The following SEMA3E variants were observed in gnomAD, a reference collection of about 807,000 sequenced individuals.
SEMA3E encodes the protein semaphorin 3E.
In SEMA3E, 49 loss-of-function variants were observed where a neutral mutation model predicts 93.6. The ratio of observed to expected loss-of-function variants is 0.52; its 90% CI spans 0.42 to 0.66. The LOEUF (loss-of-function observed/expected upper bound fraction) is 0.66, where lower values mean the gene tolerates loss of function less well. Among genes scored for constraint, SEMA3E ranks in the 30% least tolerant of loss-of-function variants. The pLI is 0.00. For missense variants in SEMA3E, 906 were observed against 964.8 expected (o/e 0.94, Z 0.81); for synonymous variants, 363 against 330.7 (o/e 1.10, Z -1.06).
chr7:83,638,887 G>A (rs1054953035), intron 1 of SEMA3E, among the ~76,000 whole-genome samples: 18 of 151,620 alleles, frequency 1.2e-4, no homozygotes, highest in Admixed American at 6.6e-5. Context: ...CGAGGCGGGC[G>A]GATCACGAGG....
intron 2 of SEMA3E, among the ~76,000 whole-genome samples, chr7:83,477,794 A>G (rs1790047669): frequency 1.3e-5 from 2 of 152,152 alleles, no homozygotes; most frequent in African/African-American, 4.8e-5. Flanking sequence ...AAATTCTAAA[A>G]TACAAGAACT....
chr7:83,597,477 G>A (rs1004873154), intron 1 of SEMA3E, among the ~76,000 whole-genome samples: 5 of 152,000 alleles, frequency 3.3e-5, no homozygotes, highest in Non-Finnish European at 5.9e-5. Context: ...ATTAGCACTC[G>A]GTTCTTTATA....
chr7:83,504,061 C>G lies in SEMA3E; in HGVS notation c.116-13787G>C, dbSNP rs145340467. On this transcript the variant is annotated intron_variant, in intron 1 of 16. Transcript: ENST00000643230. ...TCCTATAAAATATTCTAAAAACACA[C>G]GGTTTCCAGATACACCAGGAGTTTG... Among the ~76,000 whole-genome samples, 883 of 152,264 alleles carry G rather than the reference C, an allele frequency of 5.8e-3. 10 individuals are homozygous for G. Among genetic ancestry groups the G allele is most frequent in the African/African-American group, 0.02 (829 of 41,546 alleles).
At chr7:83,626,601 T>C (rs564014802) in intron 1 of SEMA3E, among the ~76,000 whole-genome samples, 17 of 152,306 alleles carry the variant, frequency 1.1e-4, no homozygotes, top group African/African-American at 4.1e-4. Flanking sequence ...CTCTCTTTTC[T>C]TCTTTATTAG....
intron 1 of SEMA3E, among the ~76,000 whole-genome samples, chr7:83,573,094 T>A (rs1004912824): frequency 6.6e-6 from 1 of 151,990 alleles, no homozygotes; most frequent in Non-Finnish European, 1.5e-5. Context: ...AGAGTAAACA[T>A]ACAGCCTACA....
chr7:83,572,429 A>G (rs553244855), intron 1 of SEMA3E, among the ~76,000 whole-genome samples: 1 of 152,256 alleles, frequency 6.6e-6, no homozygotes, highest in East Asian at 1.9e-4. Flanking sequence ...TCAGGAGGTC[A>G]AGAGATCGAG....
At chr7:83,617,369 T>C (rs1185128929) in intron 1 of SEMA3E, among the ~76,000 whole-genome samples, 1 of 148,930 alleles carries the variant, frequency 6.7e-6, no homozygotes, top group Non-Finnish European at 1.5e-5. Flanking sequence ...TGTCACAGAG[T>C]ATGAAAGGTT....
At chr7:83,450,798 A>G (rs1789344335) in intron 4 of SEMA3E, among the ~76,000 whole-genome samples, 1 of 152,220 alleles carries the variant, frequency 6.6e-6, no homozygotes, top group African/African-American at 2.4e-5. Context: ...TGTTATGCTT[A>G]ATTTATGTTT....
intron 4 of SEMA3E, among the ~76,000 whole-genome samples, chr7:83,431,412 TA>T (rs1459541118): frequency 6.6e-6 from 1 of 151,910 alleles, no homozygotes; most frequent in Non-Finnish European, 1.5e-5. Flanking sequence ...ACGGGTAAGT[TA>T]AAAAAATAAT....
At chr7:83,535,175 T>C (rs1187617971) in intron 1 of SEMA3E, among the ~76,000 whole-genome samples, 1 of 152,204 alleles carries the variant, frequency 6.6e-6, no homozygotes, top group Non-Finnish European at 1.5e-5. Flanking sequence ...TATTTTTAGA[T>C]AAAGACTCTT....
chr7:83,557,859 C>G (rs1392809213), intron 1 of SEMA3E, among the ~76,000 whole-genome samples: 1 of 152,070 alleles, frequency 6.6e-6, no homozygotes, highest in African/African-American at 2.4e-5. Flanking sequence ...CAGTTTTATT[C>G]CTAGGTATAG....
intron 4 of SEMA3E, among the ~76,000 whole-genome samples, chr7:83,461,888 G>T (rs371181755): frequency 8.1e-4 from 124 of 152,270 alleles, no homozygotes; most frequent in African/African-American, 2.7e-3. Context: ...CGCCTGAACC[G>T]CAGCAGCCAG....
At chr7:83,385,243 T>C in intron 16 of SEMA3E, 51 bp downstream of exon 16, 1 of 1,597,852 alleles carries the variant, frequency 6.3e-7, no homozygotes, top group Non-Finnish European at 8.6e-7. Context: ...TATTTACTGA[T>C]CACACACTAT....
intron 1 of SEMA3E, among the ~76,000 whole-genome samples, chr7:83,635,584 A>T (rs1040596599): frequency 6.6e-6 from 1 of 151,868 alleles, no homozygotes; most frequent in Admixed American, 6.6e-5. Flanking sequence ...AAACTTAAGG[A>T]TATAGCATTT....
chr7:83,624,531 A>G (rs183489631), intron 1 of SEMA3E, among the ~76,000 whole-genome samples: 273 of 152,226 alleles, frequency 1.8e-3, no homozygotes, highest in African/African-American at 6.3e-3. Flanking sequence ...CTTTTGAGAA[A>G]TGTCTGTTCA....
chr7:83,484,546 C>G (rs1295515223), intron 2 of SEMA3E, among the ~76,000 whole-genome samples: 1 of 152,226 alleles, frequency 6.6e-6, no homozygotes, highest in Admixed American at 6.5e-5. Context: ...TGCAGTGTAA[C>G]TAGTCAAAAC....
chr7:83,454,201 T>A (rs1021384194), intron 4 of SEMA3E, among the ~76,000 whole-genome samples: 6 of 134,146 alleles, frequency 4.5e-5, no homozygotes, highest in African/African-American at 1.7e-4. Context: ...GAGCTTGCAG[T>A]GAGCCGAGAT....
intron 1 of SEMA3E, among the ~76,000 whole-genome samples, chr7:83,511,042 AT>A (rs1351376827): frequency 6.6e-6 from 1 of 152,212 alleles, no homozygotes; most frequent in Non-Finnish European, 1.5e-5. Flanking sequence ...ACTTAAAAAA[AT>A]AAGTCTGTGT....
At chr7:83,512,266 G>A (rs1790840392) in intron 1 of SEMA3E, among the ~76,000 whole-genome samples, 1 of 152,134 alleles carries the variant, frequency 6.6e-6, no homozygotes, top group Admixed American at 6.5e-5. Flanking sequence ...CATAGAAGAA[G>A]CAAACACACT....
Sources: allele counts gnomAD v4.1 joint callset (sites outside exome capture counted in the v4.1 genomes callset), GRCh38; gene constraint gnomAD v4.1.1; transcripts MANE v1.5; gene names NCBI Gene and HGNC (gene_info 2026-07-23, HGNC 2026-07-21).